DLC1: variants seen among roughly 807,000 people sequenced by gnomAD.
DLC1 encodes the protein DLC1 Rho GTPase activating protein.
A neutral mutation model predicts 140.3 loss-of-function variants in DLC1; 54 were observed. The ratio of observed to expected loss-of-function variants is 0.38; its 90% CI spans 0.31 to 0.48. The LOEUF (loss-of-function observed/expected upper bound fraction) is 0.48. Among genes scored for constraint, DLC1 ranks in the 20% least tolerant of loss-of-function variants. The pLI, the probability that DLC1 is intolerant of heterozygous loss-of-function variation, is 0.96. For missense variants in DLC1, 2,536 were observed against 1,907.0 expected (o/e 1.33, Z -6.14); for synonymous variants, 986 against 728.1 (o/e 1.35, Z -5.70).
intron 5 of DLC1, among the ~76,000 whole-genome samples, chr8:13,134,251 G>A (rs1451606068): frequency 6.6e-6 from 1 of 152,190 alleles, no homozygotes; most frequent in Admixed American, 6.5e-5. Flanking sequence ...TTACTTCGGG[G>A]TTAATTGATG....
intron 4 of DLC1, among the ~76,000 whole-genome samples, chr8:13,381,093 C>T (rs113322118): frequency 1.3e-5 from 2 of 152,086 alleles, no homozygotes; most frequent in African/African-American, 4.8e-5. Context: ...CCTGACCTGG[C>T]TTGTTGGGGT....
At chr8:13,363,848 A>G (rs1436729605) in intron 4 of DLC1, among the ~76,000 whole-genome samples, 1 of 152,226 alleles carries the variant, frequency 6.6e-6, no homozygotes, top group Non-Finnish European at 1.5e-5. Context: ...AACTGGAGCC[A>G]TCAAGAACAA....
At chr8:13,467,715 A>G (rs1304955964) in intron 2 of DLC1, among the ~76,000 whole-genome samples, 13 of 152,208 alleles carry the variant, frequency 8.5e-5, no homozygotes, top group Non-Finnish European at 1.5e-5. Flanking sequence ...TGGGTAACAC[A>G]GACAGCTCCT....
At chr8:13,602,783 G>C (rs1181509493) in intron 1 of DLC1, among the ~76,000 whole-genome samples, 3 of 151,726 alleles carry the variant, frequency 2.0e-5, no homozygotes, top group African/African-American at 4.8e-5. Context: ...CCAGAGTTTT[G>C]GCTTTTTGTA....
chr8:13,098,485 C>G lies in DLC1; in HGVS notation c.3081G>C (p.Gln1027His), dbSNP rs1156678537. 3 of 1,614,208 alleles carry G rather than the reference C, an allele frequency of 1.9e-6. No homozygotes were observed. Among genetic ancestry groups the G allele is most frequent in the East Asian group, 2.2e-5 (1 of 44,888 alleles). The stretch of plus-strand genomic sequence containing the variant: ...GTGAGTATTTCTGCAGCAGGTTCAT[C>G]TGGGCCACAGACTGGCAGTTAATCT... ...SLQINCQSVA[Q>H]MNLLQKYSLL... Residue 1027 changes from glutamine (Q) to histidine (H), a missense_variant, in exon 10 of 18, where the codon CAG becomes CAC. Gln to His is a conservative substitution (Grantham distance 24). Coordinates refer to ENST00000276297, the MANE Select transcript of DLC1 (RefSeq NM_182643.3).
At chr8:13,185,308 G>C (rs1168538532) in intron 5 of DLC1, among the ~76,000 whole-genome samples, 2 of 141,912 alleles carry the variant, frequency 1.4e-5, no homozygotes, top group South Asian at 2.3e-4. Flanking sequence ...TTGTTTGTTT[G>C]TTTGTTTGTT....
intron 2 of DLC1, among the ~76,000 whole-genome samples, chr8:13,464,752 ATATATATATATATT>A (rs879831016): frequency 0.043 from 2,622 of 60,956 alleles, 42 homozygotes; most frequent in African/African-American, 0.083. Context: ...TAAATTATAT[ATATATATATATATT>A]TATATATATA....
chr8:13,469,729 C>T lies in DLC1; in HGVS notation c.1023+29320G>A, dbSNP rs574389735. Reference sequence around the variant, plus strand: ...AGATATTATTGAGATATATAGACTACATAACTTGGTATGATTTTGACCTTC... The same window carrying T: ...AGATATTATTGAGATATATAGACTATATAACTTGGTATGATTTTGACCTTC... On this transcript the variant is annotated intron_variant, in intron 2 of 17. Transcript: ENST00000276297. Among the ~76,000 whole-genome samples, 152 of 152,268 alleles carry T rather than the reference C, an allele frequency of 1.0e-3. 1 individual carries two copies. Among genetic ancestry groups the T allele is most frequent in the African/African-American group, 3.4e-3 (141 of 41,566 alleles).
intron 5 of DLC1, among the ~76,000 whole-genome samples, chr8:13,224,015 C>T (rs892960010): frequency 1.3e-5 from 2 of 152,090 alleles, no homozygotes; most frequent in African/African-American, 4.8e-5. Context: ...CTTAAGTTGT[C>T]AAGATCGCAT....
intron 2 of DLC1, among the ~76,000 whole-genome samples, chr8:13,422,782 C>A (rs1838377548): frequency 1.3e-5 from 2 of 149,342 alleles, no homozygotes; most frequent in Non-Finnish European, 3.0e-5. Flanking sequence ...GGTGGATCAA[C>A]ATGCAAACAA....
At chr8:13,446,958 G>A (rs796793393) in intron 2 of DLC1, among the ~76,000 whole-genome samples, 10 of 151,850 alleles carry the variant, frequency 6.6e-5, no homozygotes, top group African/African-American at 2.4e-4. Context: ...AAAAAAGAAG[G>A]AAGGAATGAA....
intron 5 of DLC1, among the ~76,000 whole-genome samples, chr8:13,270,704 T>A (rs1830895765): frequency 6.6e-6 from 1 of 152,216 alleles, no homozygotes; most frequent in Non-Finnish European, 1.5e-5. Context: ...CAGAAATCTA[T>A]TCCATTTGCC....
In DLC1 at chr8:13,509,014, T is replaced by C. The variant is rs530930283; in HGVS notation, c.-126+5588A>G. On this transcript the variant is annotated intron_variant, in intron 1 of 17. Transcript: ENST00000276297. The stretch of plus-strand genomic sequence containing the variant: ...AACAGGAAATAGCCTAGGGTTAAAG[T>C]TGATATTAAACGTGTGGCTGACCTT... Among the ~76,000 whole-genome samples the C allele has an allele frequency of 1.5e-4, 23 of 152,308 alleles. 1 individual carries two copies. In the South Asian group the frequency reaches 4.3e-3, roughly 29 times the overall value.
At chr8:13,567,948 G>T in intron 1 of DLC1, 1 of 1,542,084 alleles carries the variant, frequency 6.5e-7, no homozygotes, top group Non-Finnish European at 8.8e-7. Flanking sequence ...ATGATAATGT[G>T]TAATGTGGAT....
intron 1 of DLC1, among the ~76,000 whole-genome samples, chr8:13,578,369 C>T (rs1405891560): frequency 6.6e-6 from 1 of 152,150 alleles, no homozygotes; most frequent in East Asian, 1.9e-4. Context: ...AGTCACTCAA[C>T]ATTTATGACA....
intron 2 of DLC1, among the ~76,000 whole-genome samples, chr8:13,479,379 G>A (rs556517868): frequency 6.6e-6 from 1 of 152,216 alleles, no homozygotes; most frequent in Non-Finnish European, 1.5e-5. Context: ...AAAAAAGGTC[G>A]CATAATGAGT....
intron 1 of DLC1, among the ~76,000 whole-genome samples, chr8:13,590,218 C>G (rs1466665173): frequency 6.6e-6 from 1 of 151,990 alleles, no homozygotes; most frequent in Non-Finnish European, 1.5e-5. Context: ...TCTCAACATC[C>G]TTGAATATCT....
At chr8:13,370,071 T>C (rs1586222713) in intron 4 of DLC1, among the ~76,000 whole-genome samples, 1 of 151,176 alleles carries the variant, frequency 6.6e-6, no homozygotes, top group East Asian at 1.9e-4. Flanking sequence ...TCCAGGTATG[T>C]ACATTGTTTG....
Position 13,085,661 on chromosome 8 carries a change from A to G in DLC1, c.*150T>C. On this transcript the variant is annotated 3_prime_UTR_variant, in exon 18 of 18. Coordinates refer to ENST00000276297, the MANE Select transcript of DLC1 (RefSeq NM_182643.3). ...CTCAACAAACAGGAAGCAGCTTTAA[A>G]AATGTATCAAATTGCTATAGTCAAT... 2.4e-6 allele frequency: 3 copies of G among 1,251,758 alleles called. No homozygotes were observed. Among genetic ancestry groups the G allele is most frequent in the Non-Finnish European group, 3.3e-6 (3 of 922,986 alleles). 77.5% of individuals were successfully genotyped at this position (1,251,758 alleles called of 1,614,324 possible).
Sources: gnomAD v4.1 joint callset for allele counts (sites outside exome capture counted in the v4.1 genomes callset) on GRCh38, gnomAD v4.1.1 for gene constraint, MANE v1.5 for transcripts, NCBI Gene and HGNC (gene_info 2026-07-23, HGNC 2026-07-21) for gene names.